The following HDAC2 variants were observed in gnomAD, a reference collection of about 807,000 sequenced individuals.
HDAC2 encodes histone deacetylase 2.
In HDAC2, 5 loss-of-function variants were observed where a neutral mutation model predicts 68.5. That is an observed-to-expected ratio of 0.07 (90% CI 0.04 to 0.15). HDAC2 has a LOEUF of 0.15. Among genes scored for constraint, HDAC2 ranks in the 10% least tolerant of loss-of-function variants. The pLI is 1.00. For synonymous variants in HDAC2, 182 were observed against 191.3 expected (o/e 0.95, Z 0.40); for missense variants, 291 against 600.8 (o/e 0.48, Z 5.39).
Position 113,970,997 on chromosome 6 carries a change from G to T in HDAC2, c.-89C>A. On this transcript the variant is annotated 5_prime_UTR_variant, in exon 1 of 14. Coordinates refer to ENST00000519065, the MANE Select transcript of HDAC2 (RefSeq NM_001527.4). ...GCCGCGGCTCGGCCGGGAGAGAAAA[G>T]GGCTGAGGGAAACGTGGGGGCGATA... 2 of 1,576,280 alleles carry T rather than the reference G, an allele frequency of 1.3e-6. No homozygotes were observed. The highest frequency in any genetic ancestry group is 1.3e-5 in the African/African-American group (1 of 74,422).
intron 13 of HDAC2, 128 bp from the exon 14 acceptor site, chr6:113,941,216 T>G: frequency 3.5e-6 from 2 of 572,996 alleles, no homozygotes; most frequent in Admixed American, 3.2e-5. Context: ...GTCTTAAGTG[T>G]TTCTGGAGTA....
intron 1 of HDAC2, chr6:113,970,425 T>C (rs554177757): frequency 9.8e-7 from 1 of 1,016,894 alleles, no homozygotes; most frequent in Admixed American, 5.9e-5. Flanking sequence ...ATAGAAATTT[T>C]GCCTCGCGGG....
In HDAC2 at chr6:113,937,068, CT is replaced by C. The variant is rs1415359674; in HGVS notation, c.*3989del. The C allele has an allele frequency of 6.6e-6, 1 of 152,096 alleles. No individual in the cohort carries two copies. The highest frequency in any genetic ancestry group is 6.5e-5 in the Admixed American group (1 of 15,272). 9.4% of individuals were successfully genotyped at this position (152,096 alleles called of 1,614,324 possible). On this transcript the variant is annotated 3_prime_UTR_variant, in exon 14 of 14. Coordinates refer to ENST00000519065, the MANE Select transcript of HDAC2 (RefSeq NM_001527.4). ...TATTAACTCAATCCTCACAACAAAC[CT>C]ATTAAGTAGGGACTATTATTTTCCT... is the stretch of plus-strand genomic sequence containing the variant.
At chr6:113,942,809 A>C (rs1456611819) in intron 12 of HDAC2, among the ~76,000 whole-genome samples, 1 of 152,172 alleles carries the variant, frequency 6.6e-6, no homozygotes, top group Non-Finnish European at 1.5e-5. Flanking sequence ...TTTTAAAGTA[A>C]GGCAATGTAT....
chr6:113,953,110 T>C (rs759178229), intron 6 of HDAC2, among the ~76,000 whole-genome samples, 167 bp downstream of exon 6: 1 of 152,248 alleles, frequency 6.6e-6, no homozygotes, highest in African/African-American at 2.4e-5. Flanking sequence ...TTTTTGCTTA[T>C]AGTCAGCAAC....
intron 1 of HDAC2, chr6:113,969,571 C>A (rs1008419083): frequency 6.6e-6 from 1 of 152,154 alleles, no homozygotes; most frequent in Non-Finnish European, 1.5e-5. Context: ...AGGATAGATT[C>A]TCTGTTAAAT....
At chr6:113,961,812 A>G (rs908420753) in intron 1 of HDAC2, among the ~76,000 whole-genome samples, 1 of 152,224 alleles carries the variant, frequency 6.6e-6, no homozygotes, top group Non-Finnish European at 1.5e-5. Context: ...ATGAAAGTCT[A>G]GTCTTCACTA....
At chr6:113,954,850 A>C (rs1346886639) in intron 5 of HDAC2, among the ~76,000 whole-genome samples, 1 of 152,148 alleles carries the variant, frequency 6.6e-6, no homozygotes, top group Non-Finnish European at 1.5e-5. Context: ...ATGGCAAAAA[A>C]TAACTAACAT....
chr6:113,946,141 A>G lies in HDAC2; in HGVS notation c.849T>C (p.Ala283=). Residue 283 remains alanine, a synonymous_variant, in exon 9 of 14, where the codon GCT becomes GCC. Coordinates refer to ENST00000519065, the MANE Select transcript of HDAC2 (RefSeq NM_001527.4). Reference sequence around the variant, plus strand: ...AAGTTTTTACAACTTCTACACATTTAGCATGACCTAAGACAAGAAGATTTG... The same window carrying G: ...AAGTTTTTACAACTTCTACACATTTGGCATGACCTAAGACAAGAAGATTTG... ...GCFNLTVKGH[A]KCVEVVKTFN... The G allele has an allele frequency of 1.2e-6, 2 of 1,612,924 alleles. No individual in the cohort carries two copies. The highest frequency in any genetic ancestry group is 1.7e-6 in the Non-Finnish European group (2 of 1,179,118).
At chr6:113,963,975 AT>A (rs1776751961) in intron 1 of HDAC2, among the ~76,000 whole-genome samples, 1 of 152,178 alleles carries the variant, frequency 6.6e-6, no homozygotes, top group Admixed American at 6.5e-5. Flanking sequence ...ACTTTTTCAG[AT>A]TTTGTAGAGA....
Position 113,944,341 on chromosome 6 carries a change from T to C in HDAC2, c.1161A>G (p.Glu387=). ...CTCCACTGTCTTCATGAACAGCATC[T>C]TCTGGAATAGCTTGCATCTGGACAC... ...APGVQMQAIP[E]DAVHEDSGDE... is the part of the protein sequence containing the mutation. Residue 387 remains glutamate (E), a synonymous_variant, in exon 11 of 14, where the codon GAA becomes GAG. Transcript: ENST00000519065. 3 of 1,613,046 alleles carry C rather than the reference T, an allele frequency of 1.9e-6. No individual in the cohort carries two copies. The highest frequency in any genetic ancestry group is 2.5e-6 in the Non-Finnish European group (3 of 1,179,020).
intron 1 of HDAC2, among the ~76,000 whole-genome samples, chr6:113,967,706 T>A (rs972311665): frequency 2.0e-5 from 3 of 152,222 alleles, no homozygotes; most frequent in African/African-American, 4.8e-5. Flanking sequence ...GTGAGTGGTA[T>A]AACTAGAGCC....
Position 113,933,763 on chromosome 6 carries a change from G to GTA in HDAC2, c.*7293_*7294dup, listed in dbSNP as rs1562135746. 1 of 150,268 alleles carries GTA rather than the reference G, an allele frequency of 6.7e-6. No individual in the cohort carries two copies. The highest frequency in any genetic ancestry group is 2.4e-5 in the African/African-American group (1 of 40,956). 9.3% of individuals were successfully genotyped at this position (150,268 alleles called of 1,614,324 possible). A position where few individuals can be genotyped will look rare whatever the true frequency, so the allele number is the denominator to read the frequency against. ...TCTGACATTCTTTGTGTGTGTGTAT[G>GTA]TATATTATATAATATACATACACAC... On this transcript the variant is annotated 3_prime_UTR_variant, in exon 14 of 14. Coordinates refer to ENST00000519065, the MANE Select transcript of HDAC2 (RefSeq NM_001527.4).
chr6:113,955,194 T>C (rs1055516067), intron 5 of HDAC2, among the ~76,000 whole-genome samples: 1 of 152,204 alleles, frequency 6.6e-6, no homozygotes, highest in African/African-American at 2.4e-5. Flanking sequence ...AATGGGAGTT[T>C]TGACATTTAT....
At chr6:113,960,546 C>T (rs1776659061) in intron 1 of HDAC2, among the ~76,000 whole-genome samples, 1 of 152,008 alleles carries the variant, frequency 6.6e-6, no homozygotes. Context: ...TTTTGCTCCA[C>T]TAAGACACAG....
Position 113,944,275 on chromosome 6 carries a change from C to T in HDAC2, c.1222+5G>A, listed in dbSNP as rs1776216582. 6.2e-7 allele frequency: 1 copy of T among 1,609,774 alleles called. No individual in the cohort carries two copies. Among genetic ancestry groups the T allele is most frequent in the African/African-American group, 1.3e-5 (1 of 74,888 alleles). On this transcript the variant is annotated splice_donor_5th_base_variant and intron_variant, in intron 11 of 13. Coordinates refer to ENST00000519065, the MANE Select transcript of HDAC2 (RefSeq NM_001527.4). ...CAAATTGGAAAAATAAAGGCATTAT[C>T]TTACTAGAAATTCTCTTGTCTGGAT...
intron 8 of HDAC2, chr6:113,948,733 T>C (rs1242569592): frequency 9.6e-6 from 4 of 415,800 alleles, no homozygotes; most frequent in African/African-American, 6.1e-5. Context: ...CATTCAAAAA[T>C]AGCTGCCTTG....
chr6:113,970,618 G>T, intron 1 of HDAC2: 1 of 1,333,158 alleles, frequency 7.5e-7, no homozygotes, highest in Non-Finnish European at 9.5e-7. Context: ...CGGCCGAAGG[G>T]GGAGAGGCAG....
chr6:113,967,186 T>C (rs1308065426), intron 1 of HDAC2, among the ~76,000 whole-genome samples: 3 of 152,170 alleles, frequency 2.0e-5, no homozygotes, highest in African/African-American at 7.2e-5. Flanking sequence ...TTGTTGCCCA[T>C]GGCACTATCT....
Sources: gnomAD v4.1 joint callset for allele counts (sites outside exome capture counted in the v4.1 genomes callset) on GRCh38, gnomAD v4.1.1 for gene constraint, MANE v1.5 for transcripts, NCBI Gene and HGNC (gene_info 2026-07-23, HGNC 2026-07-21) for gene names.